The following GLI3 variants were observed in gnomAD, a reference collection of about 807,000 sequenced individuals.
The protein encoded by GLI3 is GLI family zinc finger 3, also known as transcription activator GLI3.
Under a neutral mutation model 100.8 loss-of-function variants are expected in GLI3, and 20 were observed. The observed-to-expected ratio is 0.20, with a 90% CI of 0.14 to 0.29. The LOEUF (loss-of-function observed/expected upper bound fraction) is 0.29, where lower values mean the gene tolerates loss of function less well. Ranked by LOEUF, GLI3 falls within the 10% of genes least tolerant of loss-of-function variation. The probability of loss-of-function intolerance (pLI) is 1.00; values close to 1 mark genes in which losing one functional copy is unlikely to be tolerated. For synonymous variants in GLI3, 938 were observed against 860.5 expected (o/e 1.09, Z -1.58); for missense variants, 2,040 against 2,128.5 (o/e 0.96, Z 0.82).
chr7:42,056,298 T>C (rs1364993352), intron 4 of GLI3, among the ~76,000 whole-genome samples: 3 of 152,156 alleles, frequency 2.0e-5, no homozygotes, highest in Non-Finnish European at 4.4e-5. Flanking sequence ...CATGGTCTCT[T>C]CTCTGAAAGA....
chr7:42,109,324 G>T (rs560574274), intron 3 of GLI3, among the ~76,000 whole-genome samples: 1 of 152,288 alleles, frequency 6.6e-6, no homozygotes, highest in Non-Finnish European at 1.5e-5. Context: ...TGCTTTCACT[G>T]ACAGGCAACC....
At chr7:42,255,840 G>A (rs1789080113) in intron 1 of GLI3, among the ~76,000 whole-genome samples, 1 of 152,136 alleles carries the variant, frequency 6.6e-6, no homozygotes, top group African/African-American at 2.4e-5. Context: ...TAGTAAAATT[G>A]CAGGGTTGTA....
chr7:42,059,814 T>C lies in GLI3; in HGVS notation c.474-11118A>G, dbSNP rs554484489. 2.0e-5 allele frequency among the ~76,000 whole-genome samples: 3 copies of C among 152,362 alleles called. No individual in the cohort carries two copies. The South Asian group carries it at 6.2e-4, about 32-fold the overall frequency. On this transcript the variant is annotated intron_variant, in intron 4 of 14. Coordinates refer to ENST00000395925, the MANE Select transcript of GLI3 (RefSeq NM_000168.6). ...TCTCCTCTTCCCCTAAGATAACAAG[T>C]GGTTACCTTTGATCAGCCAAGCTTT...
chr7:42,055,090 TA>T (rs1258540441), intron 4 of GLI3, among the ~76,000 whole-genome samples: 2 of 134,842 alleles, frequency 1.5e-5, no homozygotes, highest in Non-Finnish European at 3.0e-5. Context: ...TATATATACA[TA>T]TATACACATA....
intron 2 of GLI3, among the ~76,000 whole-genome samples, chr7:42,157,707 T>C (rs1337163421): frequency 1.3e-5 from 2 of 151,682 alleles, no homozygotes; most frequent in Admixed American, 6.5e-5. Context: ...AGCTGATTTG[T>C]TTGTCTTTTA....
At chr7:42,229,920 G>A (rs1396358714) in intron 1 of GLI3, among the ~76,000 whole-genome samples, 1 of 152,098 alleles carries the variant, frequency 6.6e-6, no homozygotes, top group Non-Finnish European at 1.5e-5. Context: ...ATGCACCACA[G>A]AAAACCTCTT....
chr7:42,222,338 A>G (rs1371082508), intron 2 of GLI3, among the ~76,000 whole-genome samples: 4 of 152,220 alleles, frequency 2.6e-5, no homozygotes, highest in African/African-American at 9.7e-5. Context: ...GCCCATGGAA[A>G]AGCAGAGAAA....
chr7:42,058,989 G>A (rs1784516218), intron 4 of GLI3, among the ~76,000 whole-genome samples: 1 of 152,188 alleles, frequency 6.6e-6, no homozygotes, highest in African/African-American at 2.4e-5. Flanking sequence ...ACATACTGCT[G>A]GTTCAAATAA....
At chr7:42,174,946 C>T (rs986787228) in intron 2 of GLI3, among the ~76,000 whole-genome samples, 3 of 152,184 alleles carry the variant, frequency 2.0e-5, no homozygotes, top group African/African-American at 7.2e-5. Flanking sequence ...GATGTCAGCT[C>T]TCAGTAGAAC....
intron 1 of GLI3, among the ~76,000 whole-genome samples, chr7:42,252,546 T>C (rs1789043873): frequency 6.6e-6 from 1 of 152,216 alleles, no homozygotes; most frequent in African/African-American, 2.4e-5. Flanking sequence ...TCCTCAATAC[T>C]ATTCTCACTA....
In GLI3 at chr7:42,040,059, T is replaced by C; in HGVS notation, c.1007A>G (p.His336Arg). The change falls in exon 7 of 15, where the codon CAC becomes CGC. Residue 336 changes from histidine to arginine, a missense_variant. This residue lies in a region of GLI3 where 603 missense variants were observed against 690.9 expected (regional missense o/e 0.87). Coordinates refer to ENST00000395925, the MANE Select transcript of GLI3 (RefSeq NM_000168.6). ...ATACCTGATTGCACTTGCAGATAAG[T>C]GACCATAGGAGCCACTTGCTGAAGA... ...SSSSASGSYG[H>R]LSASAISPAL... 3 of 1,613,508 alleles carry C rather than the reference T, an allele frequency of 1.9e-6. No homozygotes were observed. The highest frequency in any genetic ancestry group is 2.5e-6 in the Non-Finnish European group (3 of 1,179,396).
At chr7:42,030,951 T>C (rs1789276075) in intron 7 of GLI3, among the ~76,000 whole-genome samples, 1 of 152,200 alleles carries the variant, frequency 6.6e-6, no homozygotes, top group South Asian at 2.1e-4. Flanking sequence ...ACTCCTGACC[T>C]CAAGTGATCC....
chr7:42,095,701 A>G (rs766036890), intron 3 of GLI3, among the ~76,000 whole-genome samples: 16 of 152,074 alleles, frequency 1.1e-4, no homozygotes, highest in Non-Finnish European at 1.8e-4. Context: ...ACACAAGAGG[A>G]GGGAGGAGAA....
chr7:42,025,482 T>C, intron 8 of GLI3, 105 bp from the exon 9 acceptor site: 1 of 790,884 alleles, frequency 1.3e-6, no homozygotes, highest in Non-Finnish European at 2.2e-6. Flanking sequence ...CTTATTTGGC[T>C]ATAAAGCAAT....
intron 3 of GLI3, among the ~76,000 whole-genome samples, chr7:42,082,765 C>A (rs1785023746): frequency 6.6e-6 from 1 of 151,704 alleles, no homozygotes; most frequent in Admixed American, 6.6e-5. Flanking sequence ...TGCCCTGAAA[C>A]TTTTTTTTTA....
intron 4 of GLI3, among the ~76,000 whole-genome samples, chr7:42,055,366 G>A (rs1784438354): frequency 6.6e-6 from 1 of 151,968 alleles, no homozygotes; most frequent in Admixed American, 6.5e-5. Context: ...CAGCCTGTGT[G>A]GGGAGTCTCG....
At chr7:42,183,662 A>C (rs73094386) in intron 2 of GLI3, among the ~76,000 whole-genome samples, 19,470 of 152,254 alleles carry the variant, frequency 0.13, 1,612 homozygotes, top group Non-Finnish European at 0.19. Flanking sequence ...ATAAAGAACA[A>C]GTAAGATGTC....
intron 3 of GLI3, among the ~76,000 whole-genome samples, chr7:42,135,251 T>C (rs1786398441): frequency 6.6e-6 from 1 of 152,202 alleles, no homozygotes. Context: ...ATCTAAAAAT[T>C]CATCCCTCTG....
At chr7:42,063,311 G>A (rs1434336015) in intron 4 of GLI3, among the ~76,000 whole-genome samples, 2 of 151,980 alleles carry the variant, frequency 1.3e-5, no homozygotes, top group African/African-American at 4.8e-5. Flanking sequence ...AAATACATAT[G>A]ACATACTACA....
Sources: allele counts gnomAD v4.1 joint callset (sites outside exome capture counted in the v4.1 genomes callset), GRCh38; gene constraint gnomAD v4.1.1; regional missense constraint gnomAD v4.1.1; transcripts MANE v1.5; gene names NCBI Gene and HGNC (gene_info 2026-07-23, HGNC 2026-07-21).